Variants in PCDHA4 observed in about 807,000 individuals in gnomAD.
PCDHA4 encodes protocadherin alpha-4.
PCDHA4 carries 49 observed loss-of-function variants against 61.4 expected under a neutral mutation model. That is an observed-to-expected ratio of 0.80 (90% CI 0.63 to 1.01). The LOEUF (loss-of-function observed/expected upper bound fraction) is 1.01, where lower values mean the gene tolerates loss of function less well. PCDHA4 is among the 50% of genes least tolerant of loss of function. PCDHA4 has a pLI of 0.00. For synonymous variants in PCDHA4, 590 were observed against 550.3 expected, an observed-to-expected ratio of 1.07 and a Z score of -1.01; for missense variants, 1,254 against 1,235.8, an observed-to-expected ratio of 1.01 and a Z score of -0.22.
At chr5:140,863,871 C>T (rs2048215005) in intron 1 of PCDHA4, 1 of 171,736 alleles carries the variant, frequency 5.8e-6, no homozygotes, top group East Asian at 1.5e-4. Context: ...TGTGGTGGTG[C>T]GCACCTGTAA....
chr5:140,853,285 A>G (rs2042696768), intron 1 of PCDHA4: 2 of 981,668 alleles, frequency 2.0e-6, no homozygotes, highest in Non-Finnish European at 2.5e-6. Flanking sequence ...TCATATGCAA[A>G]TTCTCAGAAG....
rs151317539 is a variant in PCDHA4, at chr5:140,820,743, GTA to G, written c.2385+11173_2385+11174del. On this transcript the variant is annotated intron_variant, in intron 1 of 3. Transcript: ENST00000530339. ...TGGAACCTAAACATTTTGTGAAATA[GTA>G]TGTCATATAGACAATATTAGGATTT... 4.0e-3 allele frequency among the ~76,000 whole-genome samples: 604 copies of G among 152,120 alleles called. 4 individuals are homozygous for G. Among genetic ancestry groups the G allele is most frequent in the African/African-American group, 0.014 (583 of 41,538 alleles).
chr5:140,807,709 A>C lies in PCDHA4; in HGVS notation c.522A>C (p.Pro174=). ...ENALLTYRLS[P]NEYFSLEKPP... ...CCCTGCTCACTTACAGACTGAGCCC[A>C]AATGAATACTTTTCTCTGGAAAAAC... Residue 174 remains proline, a synonymous_variant, in exon 1 of 4, where the codon CCA becomes CCC. Coordinates refer to ENST00000530339, the MANE Select transcript of PCDHA4 (RefSeq NM_018907.4). 6.2e-7 allele frequency: 1 copy of C among 1,614,254 alleles called. No individual in the cohort carries two copies. Among genetic ancestry groups the C allele is most frequent in the Non-Finnish European group, 8.5e-7 (1 of 1,180,048 alleles).
intron 1 of PCDHA4, among the ~76,000 whole-genome samples, chr5:140,942,639 G>C (rs923095335): frequency 1.3e-5 from 2 of 151,806 alleles, no homozygotes; most frequent in African/African-American, 2.4e-5. Flanking sequence ...AATGGCAAAA[G>C]AGATCTCATT....
chr5:140,927,897 T>C (rs907878286), intron 1 of PCDHA4: 1 of 1,614,086 alleles, frequency 6.2e-7, no homozygotes, highest in African/African-American at 1.3e-5. Context: ...ACGTGAACGA[T>C]CATGCCCCCG....
In PCDHA4 at chr5:140,877,291, C is replaced by G. The variant is rs527823173; in HGVS notation, c.2385+67719C>G. On this transcript the variant is annotated intron_variant, in intron 1 of 3. Coordinates refer to ENST00000530339, the MANE Select transcript of PCDHA4 (RefSeq NM_018907.4). ...CGCTGACTCCGGCTATAACGCTTGG[C>G]TGTCCTACGAGTTGCAACCGGCGGC... 4 of 1,613,932 alleles carry G rather than the reference C, an allele frequency of 2.5e-6. No homozygotes were observed. In the African/African-American group the frequency reaches 4.0e-5, roughly 16 times the overall value.
At chr5:140,918,940 A>C (rs541337613) in intron 1 of PCDHA4, among the ~76,000 whole-genome samples, 51 of 152,328 alleles carry the variant, frequency 3.3e-4, no homozygotes, top group African/African-American at 1.2e-3. Flanking sequence ...TTTTGTTATA[A>C]TATCCTGAAC....
intron 1 of PCDHA4, chr5:140,828,237 C>T (rs2150152822): frequency 1.8e-5 from 29 of 1,613,956 alleles, no homozygotes; most frequent in South Asian, 4.4e-5. Flanking sequence ...GGCCGGATCG[C>T]GCAGGACCTG....
At chr5:140,946,345 G>A (rs1292610586) in intron 1 of PCDHA4, among the ~76,000 whole-genome samples, 1 of 151,836 alleles carries the variant, frequency 6.6e-6, no homozygotes, top group Non-Finnish European at 1.5e-5. Flanking sequence ...GTGATGGAGA[G>A]GATGTGGAGA....
At chr5:140,848,832 C>A in intron 1 of PCDHA4, 1 of 1,590,228 alleles carries the variant, frequency 6.3e-7, no homozygotes. Flanking sequence ...CGTAGACAGG[C>A]CGCTGCAGGT....
chr5:140,852,292 T>C (rs1554145741), intron 1 of PCDHA4: 1 of 478,914 alleles, frequency 2.1e-6, no homozygotes, highest in African/African-American at 2.1e-5. Context: ...CTTTTTATTT[T>C]TCTGAGACGG....
intron 1 of PCDHA4, chr5:140,875,742 C>T (rs782079077): frequency 3.1e-6 from 5 of 1,614,218 alleles, no homozygotes; most frequent in South Asian, 1.1e-5. Context: ...ATTCTCGGAT[C>T]GACCGCGAGA....
intron 1 of PCDHA4, among the ~76,000 whole-genome samples, chr5:140,934,787 C>A (rs1383149637): frequency 6.6e-6 from 1 of 152,096 alleles, no homozygotes; most frequent in African/African-American, 2.4e-5. Context: ...CAATCCATGT[C>A]AATTATCTTT....
At chr5:140,851,652 C>T (rs628890) in intron 1 of PCDHA4, 5 of 909,694 alleles carry the variant, frequency 5.5e-6, no homozygotes, top group Middle Eastern at 5.6e-4. Flanking sequence ...TTCAAGAAGA[C>T]ATTCTCCTTT....
At chr5:140,842,129 G>A (rs1181203703) in intron 1 of PCDHA4, 2 of 1,613,748 alleles carry the variant, frequency 1.2e-6, no homozygotes, top group Non-Finnish European at 1.7e-6. Context: ...TTCTGATCCG[G>A]ATGAAGGAGC....
In PCDHA4 at chr5:140,807,765, G is replaced by A. The variant is rs1764028665; in HGVS notation, c.578G>A (p.Gly193Glu). 1.2e-6 allele frequency: 2 copies of A among 1,614,160 alleles called. No individual in the cohort carries two copies. Among genetic ancestry groups the A allele is most frequent in the Non-Finnish European group, 1.7e-6 (2 of 1,180,036 alleles). The change falls in exon 1 of 4, where the codon GGG becomes GAG. Residue 193 changes from glycine to glutamate, a missense_variant. Gly to Glu is a moderately conservative substitution (Grantham distance 98). Coordinates refer to ENST00000530339, the MANE Select transcript of PCDHA4 (RefSeq NM_018907.4). Reference sequence around the variant, plus strand: ...GATGACGAGCTGGTAAAAGGTCTTGGGCTTATATTACGGAAATCTTTAGAC... The same window carrying A: ...GATGACGAGCTGGTAAAAGGTCTTGAGCTTATATTACGGAAATCTTTAGAC... ...PPDDELVKGL[G>E]LILRKSLDRE...
chr5:140,973,741 G>C (rs925905924), intron 1 of PCDHA4, among the ~76,000 whole-genome samples: 1 of 152,206 alleles, frequency 6.6e-6, no homozygotes, highest in Admixed American at 6.5e-5. Context: ...GTCTAACTCA[G>C]AACACTCTGC....
intron 3 of PCDHA4, among the ~76,000 whole-genome samples, chr5:141,000,417 A>T (rs1334137638): frequency 1.8e-3 from 141 of 77,654 alleles, no homozygotes; most frequent in African/African-American, 4.6e-3. Context: ...ATATATATAT[A>T]TATATTTTTT....
chr5:140,846,374 T>C (rs1024304715), intron 1 of PCDHA4, among the ~76,000 whole-genome samples: 1 of 30,854 alleles, frequency 3.2e-5, no homozygotes, highest in African/African-American at 1.1e-4. Context: ...TCTTTCTTTC[T>C]TTTTTTTTTT....
Sources: allele counts gnomAD v4.1 joint callset (sites outside exome capture counted in the v4.1 genomes callset), GRCh38; gene constraint gnomAD v4.1.1; transcripts MANE v1.5; gene names NCBI Gene and HGNC (gene_info 2026-07-23, HGNC 2026-07-21).